SEMA5A: variants seen among roughly 807,000 people sequenced by gnomAD.
SEMA5A encodes the protein semaphorin 5A.
Under a neutral mutation model 135.5 loss-of-function variants are expected in SEMA5A, and 55 were observed. That is an observed-to-expected ratio of 0.41 (90% confidence interval 0.33 to 0.51). The LOEUF (loss-of-function observed/expected upper bound fraction) is 0.51. Ranked by LOEUF, SEMA5A falls within the 20% of genes least tolerant of loss-of-function variation. SEMA5A has a pLI of 0.37. For missense variants in SEMA5A, 1,290 were observed against 1,419.9 expected (o/e 0.91, Z 1.47); for synonymous variants, 580 against 546.5 (o/e 1.06, Z -0.85).
chr5:9,476,185 G>A (rs548591747), intron 1 of SEMA5A, among the ~76,000 whole-genome samples: 64 of 152,000 alleles, frequency 4.2e-4, no homozygotes, highest in African/African-American at 1.4e-3. Context: ...TTTTTTCCAC[G>A]ATTAAAAATA....
chr5:9,219,363 G>A (rs1030984877), intron 8 of SEMA5A, among the ~76,000 whole-genome samples: 3 of 152,154 alleles, frequency 2.0e-5, no homozygotes, highest in Non-Finnish European at 4.4e-5. Context: ...AGATTTGCAG[G>A]TGTCTGGCTC....
Position 9,134,214 on chromosome 5 carries a change from C to T in SEMA5A, c.1599+2290G>A, listed in dbSNP as rs151057789. Reference sequence around the variant, plus strand: ...CAGACTAATACAAGTGGCATGATCTCGGTTCACCACAGCCTCAAACTCTTA... The same window carrying T: ...CAGACTAATACAAGTGGCATGATCTTGGTTCACCACAGCCTCAAACTCTTA... On this transcript the variant is annotated intron_variant, in intron 13 of 22. Coordinates refer to ENST00000382496, the MANE Select transcript of SEMA5A (RefSeq NM_003966.3). Among the ~76,000 whole-genome samples the T allele has an allele frequency of 3.3e-3, 509 of 152,260 alleles. 1 individual carries two copies. The highest frequency in any genetic ancestry group is 0.011 in the African/African-American group (462 of 41,548).
chr5:9,190,534 G>A, intron 10 of SEMA5A, 63 bp from the exon 11 acceptor site: 1 of 1,503,598 alleles, frequency 6.7e-7, no homozygotes, highest in Non-Finnish European at 9.2e-7. Context: ...GCTGGCTGTG[G>A]CCACCCTAGC....
intron 3 of SEMA5A, among the ~76,000 whole-genome samples, chr5:9,360,853 A>G (rs1221136259): frequency 6.6e-6 from 1 of 152,226 alleles, no homozygotes; most frequent in Non-Finnish European, 1.5e-5. Flanking sequence ...TATCTTTTGA[A>G]TGCCTGATTT....
intron 1 of SEMA5A, chr5:9,520,025 C>T (rs1194424831): frequency 6.6e-6 from 1 of 152,206 alleles, no homozygotes; most frequent in Admixed American, 6.5e-5. Flanking sequence ...TCTCGAAATA[C>T]AAGTTTATGG....
At chr5:9,453,121 T>C (rs565021658) in intron 1 of SEMA5A, among the ~76,000 whole-genome samples, 1 of 152,224 alleles carries the variant, frequency 6.6e-6, no homozygotes, top group Non-Finnish European at 1.5e-5. Flanking sequence ...ATGTTATTTA[T>C]TTTACATAGT....
At chr5:9,202,373 A>AC in intron 8 of SEMA5A, 133 bp from the exon 9 acceptor site, 1 of 736,834 alleles carries the variant, frequency 1.4e-6, no homozygotes, top group Non-Finnish European at 2.1e-6. Flanking sequence ...GACTATTGGG[A>AC]GGCCCCGTGA....
chr5:9,310,940 T>A (rs555609763), intron 5 of SEMA5A, among the ~76,000 whole-genome samples: 1 of 151,822 alleles, frequency 6.6e-6, no homozygotes, highest in South Asian at 2.1e-4. Context: ...TGGAGACATA[T>A]ATATTCAACA....
intron 5 of SEMA5A, among the ~76,000 whole-genome samples, chr5:9,242,424 G>A (rs747996567): frequency 4.6e-5 from 7 of 152,202 alleles, no homozygotes; most frequent in Non-Finnish European, 7.3e-5. Flanking sequence ...GATATTCAAT[G>A]TGTTTGTTAT....
chr5:9,373,243 A>C (rs1755219054), intron 3 of SEMA5A, among the ~76,000 whole-genome samples: 1 of 152,238 alleles, frequency 6.6e-6, no homozygotes, highest in African/African-American at 2.4e-5. Context: ...TGAAAGGAAA[A>C]TATAGGATCC....
chr5:9,097,756 C>T (rs2150135656), intron 16 of SEMA5A, among the ~76,000 whole-genome samples: 1 of 152,222 alleles, frequency 6.6e-6, no homozygotes, highest in South Asian at 2.1e-4. Flanking sequence ...GAACCATGGC[C>T]CAGCCTGTAC....
chr5:9,243,423 A>G (rs62341027), intron 5 of SEMA5A, among the ~76,000 whole-genome samples: 33,604 of 152,068 alleles, frequency 0.22, 4,573 homozygotes, highest in Non-Finnish European at 0.32. Flanking sequence ...ATCTTAACTA[A>G]TGACATCTAG....
chr5:9,432,179 G>A lies in SEMA5A; in HGVS notation c.-78+5577C>T, dbSNP rs183822633. ...GTGACAAAACAGATCAGCTCTGCAC[G>A]GGCCTTTCTGGATGGCCTCACAGAG... On this transcript the variant is annotated intron_variant, in intron 2 of 22. Transcript: ENST00000382496. Among the ~76,000 whole-genome samples the A allele has an allele frequency of 5.8e-4, 89 of 152,264 alleles. 1 individual carries two copies. Among genetic ancestry groups the A allele is most frequent in the African/African-American group, 1.9e-3 (80 of 41,554 alleles).
chr5:9,349,493 T>G (rs1754019152), intron 3 of SEMA5A, among the ~76,000 whole-genome samples: 1 of 152,182 alleles, frequency 6.6e-6, no homozygotes, highest in Non-Finnish European at 1.5e-5. Context: ...AAATACTATC[T>G]GATCCCAGGG....
At chr5:9,243,764 G>A (rs1748333716) in intron 5 of SEMA5A, among the ~76,000 whole-genome samples, 1 of 152,174 alleles carries the variant, frequency 6.6e-6, no homozygotes. Context: ...AGAGTATTAA[G>A]TGGCAGCCCC....
intron 16 of SEMA5A, among the ~76,000 whole-genome samples, chr5:9,101,012 G>A (rs952921080): frequency 1.3e-5 from 2 of 152,110 alleles, no homozygotes; most frequent in East Asian, 3.9e-4. Context: ...TAGATATCTG[G>A]GGCTTTCCCA....
Position 9,197,311 on chromosome 5 carries a change from C to A in SEMA5A, c.933-8G>T. 1.3e-6 allele frequency: 2 copies of A among 1,591,142 alleles called. No individual in the cohort carries two copies. Among genetic ancestry groups the A allele is most frequent in the Non-Finnish European group, 1.7e-6 (2 of 1,171,540 alleles). ...GAGGCCGCAATGCTGTTCCTGGGAG[C>A]GGAGGGAGAGAGAGAAGGCAGTCAG... is the stretch of plus-strand genomic sequence containing the variant. On this transcript the variant is annotated splice_polypyrimidine_tract_variant and splice_region_variant and intron_variant, in intron 9 of 22. Transcript: ENST00000382496.
Position 9,266,474 on chromosome 5 carries a change from T to C in SEMA5A, c.271-28584A>G, listed in dbSNP as rs190530382. On this transcript the variant is annotated intron_variant, in intron 5 of 22. Coordinates refer to ENST00000382496, the MANE Select transcript of SEMA5A (RefSeq NM_003966.3). The stretch of plus-strand genomic sequence containing the variant: ...CACATTTTAAAAGTCTCTATCAATC[T>C]AATGATAAAATGCTAAGTTGAATAC... Among the ~76,000 whole-genome samples, 21 of 152,352 alleles carry C rather than the reference T, an allele frequency of 1.4e-4. No homozygotes were observed. The East Asian group carries it at 2.7e-3, about 20-fold the overall frequency.
At chr5:9,304,514 C>CTAAAA (rs10666691) in intron 5 of SEMA5A, among the ~76,000 whole-genome samples, 128,779 of 151,642 alleles carry the variant, frequency 0.85, 56,804 homozygotes, top group East Asian at 0.97. Flanking sequence ...TCTGCAAGAT[C>CTAAAA]TAAAATAATA....
Sources: gnomAD v4.1 joint callset for allele counts (sites outside exome capture counted in the v4.1 genomes callset) on GRCh38, gnomAD v4.1.1 for gene constraint, MANE v1.5 for transcripts, NCBI Gene and HGNC (gene_info 2026-07-23, HGNC 2026-07-21) for gene names.